Variants in ANKRD11 observed in about 807,000 individuals in gnomAD.
ANKRD11 encodes the protein ankyrin repeat domain-containing protein 11.
Under a neutral mutation model 195.7 loss-of-function variants are expected in ANKRD11, and 17 were observed. That is an observed-to-expected ratio of 0.09 (90% CI 0.06 to 0.13). The LOEUF (loss-of-function observed/expected upper bound fraction) is 0.13, where lower values mean the gene tolerates loss of function less well. Among genes scored for constraint, ANKRD11 ranks in the 10% least tolerant of loss-of-function variants. The pLI, the probability that ANKRD11 is intolerant of heterozygous loss-of-function variation, is 1.00. For synonymous variants in ANKRD11, 1,953 were observed against 1,528.1 expected (o/e 1.28, Z -6.49); for missense variants, 3,735 against 3,566.1 (o/e 1.05, Z -1.21).
At chr16:89,273,121 G>A (rs1382952511) in intron 11 of ANKRD11, 7 of 150,208 alleles carry the variant, frequency 4.7e-5, no homozygotes, top group African/African-American at 7.3e-5. Context: ...GTAGTCAATA[G>A]TAACTGCATT....
chr16:89,438,602 G>C (rs938675626), intron 1 of ANKRD11, among the ~76,000 whole-genome samples: 4 of 151,930 alleles, frequency 2.6e-5, no homozygotes, highest in African/African-American at 9.7e-5. Flanking sequence ...CAAAGTGCTG[G>C]GATTACAGGT....
In ANKRD11 at chr16:89,465,552, G is replaced by C. The variant is rs925929570; in HGVS notation, c.-145+24693C>G. ...AAAGCCTGCTTTCAGCTGCTCAGCA[G>C]GTGGGAACACTTGCTCCTCCAGCAT... On this transcript the variant is annotated intron_variant, in intron 1 of 12. Transcript: ENST00000301030. Among the ~76,000 whole-genome samples the C allele has an allele frequency of 2.0e-5, 3 of 152,274 alleles. No homozygotes were observed. The South Asian group carries it at 6.2e-4, about 32-fold the overall frequency.
chr16:89,444,490 T>C (rs1352447967), intron 1 of ANKRD11, among the ~76,000 whole-genome samples: 13 of 152,110 alleles, frequency 8.5e-5, no homozygotes, highest in Non-Finnish European at 7.4e-5. Context: ...GGGGGTTGTG[T>C]AGGGTTTGCC....
chr16:89,287,420 C>T lies in ANKRD11; in HGVS notation c.744+1108G>A, dbSNP rs1001282597. The T allele has an allele frequency of 5.2e-5, 12 of 229,978 alleles. No individual in the cohort carries two copies. In the East Asian group the frequency reaches 6.5e-4, roughly 13 times the overall value. The allele number at this position is 229,978 out of a possible 1,614,324, so 14.2% of individuals were successfully genotyped here. A position where few individuals can be genotyped will look rare whatever the true frequency, so the allele number is the denominator to read the frequency against. On this transcript the variant is annotated intron_variant, in intron 7 of 12. Coordinates refer to ENST00000301030, the MANE Select transcript of ANKRD11 (RefSeq NM_013275.6). ...GGGGCCATTATCCTGCCTACCTCAC[C>T]GTAATTCCAGGGTCCTTGACATTTT...
intron 3 of ANKRD11, chr16:89,313,408 G>A: frequency 1.6e-6 from 2 of 1,288,920 alleles, no homozygotes; most frequent in South Asian, 1.2e-5. Flanking sequence ...CGGCAATGGT[G>A]AGAGACCGTC....
At position 89,280,089 on chromosome 16, in the gene ANKRD11, A is replaced by G; in HGVS notation, c.6453T>C (p.Gly2151=). 6.2e-7 allele frequency: 1 copy of G among 1,613,080 alleles called. No individual in the cohort carries two copies. Among genetic ancestry groups the G allele is most frequent in the Non-Finnish European group, 8.5e-7 (1 of 1,179,908 alleles). The change falls in exon 9 of 13, where the codon GGT becomes GGC. Residue 2151 remains glycine, a synonymous_variant. Coordinates refer to ENST00000301030, the MANE Select transcript of ANKRD11 (RefSeq NM_013275.6). ...LPLQTKDAAD[G]EAEPVEESLA... ...GACTTTCTTCCACGGGTTCCGCTTC[A>G]CCATCTGCGGCATCTTTAGTCTGCA...
Position 89,334,244 on chromosome 16 carries a change from G to C in ANKRD11, c.-59-17166C>G, listed in dbSNP as rs142951064. On this transcript the variant is annotated intron_variant, in intron 2 of 12. Coordinates refer to ENST00000301030, the MANE Select transcript of ANKRD11 (RefSeq NM_013275.6). ...GGCTCAGGACAATGTCTGATGCCTG[G>C]CCTAGCCCTCATCAATGGCCTTCAC... 2.6e-3 allele frequency among the ~76,000 whole-genome samples: 399 copies of C among 150,936 alleles called. 2 individuals are homozygous for C. The highest frequency in any genetic ancestry group is 8.7e-3 in the African/African-American group (355 of 40,938).
intron 1 of ANKRD11, among the ~76,000 whole-genome samples, chr16:89,486,563 C>T (rs1460444758): frequency 1.3e-5 from 2 of 151,912 alleles, no homozygotes; most frequent in Non-Finnish European, 2.9e-5. Flanking sequence ...CGAGGTATGT[C>T]GAGGCCATGC....
At chr16:89,271,134 T>C (rs191539393) in intron 11 of ANKRD11, 10 of 590,902 alleles carry the variant, frequency 1.7e-5, no homozygotes, top group Non-Finnish European at 2.8e-5. Flanking sequence ...TGGGCCTTTG[T>C]CTCCTGGGCA....
intron 1 of ANKRD11, among the ~76,000 whole-genome samples, chr16:89,437,263 C>T (rs1372201288): frequency 6.6e-6 from 1 of 152,108 alleles, no homozygotes; most frequent in Non-Finnish European, 1.5e-5. Context: ...AAGCATGATG[C>T]TAATATGCTA....
At position 89,279,788 on chromosome 16, in the gene ANKRD11, C is replaced by G; in HGVS notation, c.6754G>C (p.Gly2252Arg). 1 of 1,536,230 alleles carries G rather than the reference C, an allele frequency of 6.5e-7. No homozygotes were observed. Among genetic ancestry groups the G allele is most frequent in the Non-Finnish European group, 8.7e-7 (1 of 1,145,316 alleles). The change falls in exon 9 of 13, where the codon GGG (glycine) becomes CGG (arginine). Residue 2252 changes from glycine (G) to arginine (R), a missense_variant. By Grantham distance (125) the Gly-to-Arg change is moderately radical (BLOSUM62 -2). Transcript: ENST00000301030. The surrounding 1 kb of genome is among the most constrained non-coding windows in gnomAD (Gnocchi z 5.6). ...GCCTCAGCCCCCTGGTCTCCGCTCC[C>G]CAGTGGGCGCTGTTCTGGGGGAACG... The part of the protein sequence containing the change: ...APVPPEQRPL[G>R]SGDQGAEAEG...
rs993882475 is a variant in ANKRD11 at position 89,451,240 on chromosome 16, C to A, written c.-144-32872G>T. Among the ~76,000 whole-genome samples, 3 of 152,090 alleles carry A rather than the reference C, an allele frequency of 2.0e-5. No homozygotes were observed. The East Asian group carries it at 5.8e-4, about 29-fold the overall frequency. ...AGTGCTAATAGTTTTAAGGGTGTTT[C>A]GGGTTTTTGTTTTAAAAGTTAATTA... On this transcript the variant is annotated intron_variant, in intron 1 of 12. Transcript: ENST00000301030.
rs1299174329 is a variant in ANKRD11 at position 89,280,647 on chromosome 16, G to A, written c.5895C>T (p.Gly1965=). The change falls in exon 9 of 13, where the codon GGC becomes GGT. Residue 1965 remains glycine, a synonymous_variant. Transcript: ENST00000301030. ...GCCAGCTCACAGGGTTTTCAGAGGT[G>A]CCCCCGATCAGGCTAGAGGCAAGCG... The part of the protein sequence containing the change: ...EQALASSLIG[G]TSENPVSWPV... 1 of 1,613,500 alleles carries A rather than the reference G, an allele frequency of 6.2e-7. No individual in the cohort carries two copies. Among genetic ancestry groups the A allele is most frequent in the South Asian group, 1.1e-5 (1 of 91,088 alleles).
chr16:89,334,978 G>A (rs1010412399), intron 2 of ANKRD11, among the ~76,000 whole-genome samples: 2 of 152,120 alleles, frequency 1.3e-5, no homozygotes, highest in Admixed American at 6.5e-5. Flanking sequence ...AGGTCCAGGA[G>A]GAGATCCCAC....
Position 89,280,307 on chromosome 16 carries a change from C to A in ANKRD11, c.6235G>T (p.Val2079Leu), listed in dbSNP as rs375484982. Residue 2079 changes from valine to leucine, a missense_variant, in exon 9 of 13, where the codon GTG becomes TTG. Physicochemically the swap from Val to Leu is conservative, Grantham distance 32. Coordinates refer to ENST00000301030, the MANE Select transcript of ANKRD11 (RefSeq NM_013275.6). ...CKSLPEAPLDVAPEPACVAAV... is the reference protein window; with the variant it reads ...CKSLPEAPLDLAPEPACVAAV... Reference sequence around the variant, plus strand: ...GCTACACAGGCGGGCTCGGGGGCCACGTCCAGCGGGGCTTCCGGAAGTGAC... The same window carrying A: ...GCTACACAGGCGGGCTCGGGGGCCAAGTCCAGCGGGGCTTCCGGAAGTGAC... 4 of 1,593,172 alleles carry A rather than the reference C, an allele frequency of 2.5e-6. No homozygotes were observed. In the African/African-American group the frequency reaches 5.4e-5, roughly 21 times the overall value.
In ANKRD11 at chr16:89,284,978, AGGAGGCAGAGAG is replaced by A; in HGVS notation, c.1552_1563del (p.Leu518_Ser521del). ...GCAGAGCTCCCGTGAGACGAGGTGG[AGGAGGCAGAGAG>A]GGAGCTGAACAGGGAGGGGTCCTTC... is the stretch of plus-strand genomic sequence containing the variant. On this transcript the variant is annotated inframe_deletion, in exon 9 of 13. Coordinates refer to ENST00000301030, the MANE Select transcript of ANKRD11 (RefSeq NM_013275.6). 1 of 1,614,042 alleles carries A rather than the reference AGGAGGCAGAGAG, an allele frequency of 6.2e-7. No individual in the cohort carries two copies. The highest frequency in any genetic ancestry group is 8.5e-7 in the Non-Finnish European group (1 of 1,179,984).
intron 1 of ANKRD11, among the ~76,000 whole-genome samples, chr16:89,420,972 C>G (rs962351010): frequency 6.6e-5 from 10 of 152,276 alleles, no homozygotes; most frequent in Non-Finnish European, 1.5e-4. Flanking sequence ...TTCTTACTGT[C>G]AGCTCCTGCC....
intron 2 of ANKRD11, among the ~76,000 whole-genome samples, chr16:89,399,525 G>A (rs544245581): frequency 6.6e-6 from 1 of 152,302 alleles, no homozygotes; most frequent in South Asian, 2.1e-4. Flanking sequence ...GGAGGGATGT[G>A]CAGCAGGAAC....
intron 2 of ANKRD11, among the ~76,000 whole-genome samples, chr16:89,379,457 G>T (rs2040554594): frequency 6.6e-6 from 1 of 152,212 alleles, no homozygotes; most frequent in African/African-American, 2.4e-5. Flanking sequence ...TCCAAAACCA[G>T]CTCATGTAAC....
Sources: allele counts gnomAD v4.1 joint callset (sites outside exome capture counted in the v4.1 genomes callset), GRCh38; gene constraint gnomAD v4.1.1; non-coding constraint Gnocchi (gnomAD v3.1); transcripts MANE v1.5; gene names NCBI Gene and HGNC (gene_info 2026-07-23, HGNC 2026-07-21).